Variants in DEUP1 observed in about 807,000 individuals in gnomAD.
DEUP1 encodes the protein deuterosome assembly protein 1, also known as coiled-coil domain containing 67.
In DEUP1, 82 loss-of-function variants were observed where a neutral mutation model predicts 87.4. The observed-to-expected ratio is 0.94, with a 90% CI of 0.78 to 1.13. The LOEUF (loss-of-function observed/expected upper bound fraction) is 1.13. Ranked by LOEUF, DEUP1 falls within the 50% of genes most tolerant of loss-of-function variation. DEUP1 has a pLI of 0.00. For missense variants in DEUP1, 663 were observed against 681.5 expected, an observed-to-expected ratio of 0.97 and a Z score of 0.30; for synonymous variants, 214 against 222.7, an observed-to-expected ratio of 0.96 and a Z score of 0.35.
intron 9 of DEUP1, among the ~76,000 whole-genome samples, chr11:93,390,267 G>T (rs1307273645): frequency 6.6e-6 from 1 of 152,120 alleles, no homozygotes; most frequent in African/African-American, 2.4e-5. Context: ...AATATATAGG[G>T]TCATAAATTC....
intron 2 of DEUP1, 39 bp downstream of exon 2, chr11:93,332,327 T>C: frequency 6.4e-7 from 1 of 1,550,644 alleles, no homozygotes; most frequent in Non-Finnish European, 8.8e-7. Context: ...AGTATGTGCT[T>C]AACTGTGCCA....
intron 13 of DEUP1, among the ~76,000 whole-genome samples, chr11:93,429,094 G>A (rs1355081529): frequency 6.6e-6 from 1 of 151,786 alleles, no homozygotes; most frequent in East Asian, 1.9e-4. Context: ...TTGATTTATG[G>A]GTATCCTTTC....
rs551254112 is a variant in DEUP1 at position 93,334,438 on chromosome 11, C to T, written c.29+2150C>T. On this transcript the variant is annotated intron_variant, in intron 2 of 13. Coordinates refer to ENST00000298050, the MANE Select transcript of DEUP1 (RefSeq NM_181645.4). ...ACAACTTCTTCTCAAGGGGCTTATA[C>T]CATAGTGGAAGAGACAGATAATAAA... 8.5e-5 allele frequency among the ~76,000 whole-genome samples: 13 copies of T among 152,142 alleles called. No individual in the cohort carries two copies. In the South Asian group the frequency reaches 2.7e-3, roughly 32 times the overall value.
At chr11:93,346,836 T>G (rs1433418606) in intron 2 of DEUP1, among the ~76,000 whole-genome samples, 1 of 152,222 alleles carries the variant, frequency 6.6e-6, no homozygotes, top group Admixed American at 6.5e-5. Context: ...CTGATTTGGC[T>G]CTCAGCTTAA....
At chr11:93,331,141 C>T (rs1421314348) in intron 1 of DEUP1, among the ~76,000 whole-genome samples, 3 of 148,930 alleles carry the variant, frequency 2.0e-5, no homozygotes, top group Admixed American at 6.7e-5. Flanking sequence ...TTTCCTTCAC[C>T]ATCCCTGCTC....
intron 2 of DEUP1, among the ~76,000 whole-genome samples, chr11:93,338,228 A>G (rs1943870974): frequency 6.6e-6 from 1 of 151,974 alleles, no homozygotes; most frequent in South Asian, 2.1e-4. Context: ...AAAAGCTGGC[A>G]AGAGAAGTAG....
At chr11:93,352,558 A>G (rs1250904730) in intron 2 of DEUP1, 6 of 610,864 alleles carry the variant, frequency 9.8e-6, no homozygotes, top group Non-Finnish European at 1.5e-5. Context: ...AAAGACTTAC[A>G]GTATCTCCCC....
chr11:93,343,025 A>G (rs922411397), intron 2 of DEUP1, among the ~76,000 whole-genome samples: 3 of 152,238 alleles, frequency 2.0e-5, no homozygotes, highest in Non-Finnish European at 4.4e-5. Context: ...GCCTCTGGCC[A>G]TCCTCTGGAC....
Position 93,380,736 on chromosome 11 carries a change from A to C in DEUP1, c.790-4662A>C, listed in dbSNP as rs570067405. 3.3e-5 allele frequency among the ~76,000 whole-genome samples: 5 copies of C among 152,226 alleles called. No homozygotes were observed. The East Asian group carries it at 9.7e-4, about 29-fold the overall frequency. ...ACAACTTTTAATGTGACTGATATTT[A>C]TACTGATTTCTATGAGGAAGTTTAC... is the stretch of plus-strand genomic sequence containing the variant. On this transcript the variant is annotated intron_variant, in intron 7 of 13. Transcript: ENST00000298050.
At chr11:93,356,756 G>A (rs1944917886) in intron 3 of DEUP1, among the ~76,000 whole-genome samples, 192 bp from the exon 4 acceptor site, 1 of 152,120 alleles carries the variant, frequency 6.6e-6, no homozygotes, top group African/African-American at 2.4e-5. Flanking sequence ...TGTGTACCTT[G>A]TGGAATAGTG....
upstream of DEUP1, chr11:93,330,145 C>T (rs1373195782): frequency 6.6e-6 from 1 of 152,216 alleles, no homozygotes; most frequent in Non-Finnish European, 1.5e-5. Flanking sequence ...GCGGTGAAAT[C>T]CAGCTCCTCC....
intron 13 of DEUP1, among the ~76,000 whole-genome samples, chr11:93,427,479 A>G (rs938371859): frequency 2.6e-5 from 4 of 152,092 alleles, no homozygotes; most frequent in African/African-American, 9.7e-5. Context: ...TTAATTCAAG[A>G]TGGATTAAAG....
At position 93,364,191 on chromosome 11, in the gene DEUP1, T is replaced by G; in HGVS notation, c.329T>G (p.Leu110Arg). 1.3e-6 allele frequency: 2 copies of G among 1,598,430 alleles called. No individual in the cohort carries two copies. The highest frequency in any genetic ancestry group is 8.6e-7 in the Non-Finnish European group (1 of 1,168,340). ...AAACTAACAAATAACTTTGAAAAAC[T>G]GAGATTACATCAGATGAAACAAAAC... The part of the protein sequence containing the change: ...FSKLTNNFEK[L>R]RLHQMKQNKV... Residue 110 changes from leucine to arginine, a missense_variant, in exon 5 of 14, where the codon CTG becomes CGG. Transcript: ENST00000298050.
chr11:93,435,563 C>T (rs975358395), intron 13 of DEUP1, among the ~76,000 whole-genome samples: 5 of 152,140 alleles, frequency 3.3e-5, no homozygotes, highest in African/African-American at 1.2e-4. Flanking sequence ...GCCAGAGGCT[C>T]CACAAGGCAT....
chr11:93,331,047 T>G (rs557802504), intron 1 of DEUP1, among the ~76,000 whole-genome samples: 1 of 152,366 alleles, frequency 6.6e-6, no homozygotes, highest in African/African-American at 2.4e-5. Context: ...ACTTAACTTG[T>G]CTGTGCCTCA....
intron 13 of DEUP1, among the ~76,000 whole-genome samples, chr11:93,428,912 G>A (rs1193240348): frequency 6.6e-6 from 1 of 152,030 alleles, no homozygotes. Flanking sequence ...TTTAAATTTA[G>A]CTATTATGGT....
At chr11:93,402,234 GC>G (rs1947140875) in intron 11 of DEUP1, among the ~76,000 whole-genome samples, 1 of 151,960 alleles carries the variant, frequency 6.6e-6, no homozygotes, top group South Asian at 2.1e-4. Context: ...CATACAGATG[GC>G]CAACAGGTAT....
intron 2 of DEUP1, among the ~76,000 whole-genome samples, chr11:93,340,899 A>C (rs1379925581): frequency 6.6e-6 from 1 of 152,222 alleles, no homozygotes; most frequent in Admixed American, 6.5e-5. Flanking sequence ...TCGTATGTCC[A>C]AGTGAAGCTG....
chr11:93,409,667 A>C (rs1947380834), intron 12 of DEUP1, among the ~76,000 whole-genome samples: 1 of 152,114 alleles, frequency 6.6e-6, no homozygotes, highest in South Asian at 2.1e-4. Flanking sequence ...AGCATGAAAA[A>C]CCTTCTATTT....
Sources: gnomAD v4.1 joint callset for allele counts (sites outside exome capture counted in the v4.1 genomes callset) on GRCh38, gnomAD v4.1.1 for gene constraint, MANE v1.5 for transcripts, NCBI Gene and HGNC (gene_info 2026-07-23, HGNC 2026-07-21) for gene names.